EYA2: variants seen among roughly 807,000 people sequenced by gnomAD.
EYA2 encodes the protein EYA transcriptional coactivator and phosphatase 2.
EYA2 carries 31 observed loss-of-function variants against 69.2 expected under a neutral mutation model. The observed-to-expected ratio is 0.45, with a 90% CI of 0.34 to 0.60. The LOEUF (loss-of-function observed/expected upper bound fraction) is 0.60. Among genes scored for constraint, EYA2 ranks in the 20% least tolerant of loss-of-function variants. EYA2 has a pLI of 0.02. For synonymous variants in EYA2, 257 were observed against 279.4 expected (o/e 0.92, Z 0.80); for missense variants, 622 against 701.2 (o/e 0.89, Z 1.28).
intron 10 of EYA2, among the ~76,000 whole-genome samples, chr20:47,160,314 G>A (rs1600755580): frequency 6.6e-6 from 1 of 152,222 alleles, no homozygotes; most frequent in African/African-American, 2.4e-5. Context: ...CAGCTACTCA[G>A]TTCTCCTGCA....
intron 7 of EYA2, among the ~76,000 whole-genome samples, chr20:47,081,770 C>A (rs368180210): frequency 2.7e-5 from 3 of 112,954 alleles, no homozygotes; most frequent in Non-Finnish European, 5.6e-5. Context: ...CAAAGCGAGA[C>A]CTTGTCTCAA....
intron 1 of EYA2, among the ~76,000 whole-genome samples, chr20:46,975,618 A>G (rs2146305317): frequency 6.6e-6 from 1 of 152,372 alleles, no homozygotes; most frequent in Admixed American, 6.5e-5. Context: ...CATGCGATCA[A>G]GAATGAGGGA....
intron 9 of EYA2, among the ~76,000 whole-genome samples, chr20:47,124,106 G>C (rs2033120116): frequency 6.6e-6 from 1 of 152,186 alleles, no homozygotes; most frequent in Non-Finnish European, 1.5e-5. Flanking sequence ...TATTTGGGCA[G>C]AGCCTTCAGC....
At chr20:47,052,516 A>G (rs748662375) in intron 5 of EYA2, among the ~76,000 whole-genome samples, 6 of 152,244 alleles carry the variant, frequency 3.9e-5, no homozygotes, top group Non-Finnish European at 7.3e-5. Flanking sequence ...TTACTAAGGA[A>G]TGTTTGGGGC....
At chr20:47,169,833 CA>C (rs2034282510) in intron 11 of EYA2, among the ~76,000 whole-genome samples, 2 of 152,176 alleles carry the variant, frequency 1.3e-5, no homozygotes, top group South Asian at 4.1e-4. Context: ...TCTCCTCCTC[CA>C]GCAGTCTTCG....
intron 9 of EYA2, among the ~76,000 whole-genome samples, chr20:47,108,239 C>G (rs945600070): frequency 6.6e-6 from 1 of 152,210 alleles, no homozygotes; most frequent in Non-Finnish European, 1.5e-5. Context: ...TCATTAATGG[C>G]TTGGTGCCAT....
intron 5 of EYA2, among the ~76,000 whole-genome samples, chr20:47,045,335 C>G (rs1236894365): frequency 6.6e-6 from 1 of 152,106 alleles, no homozygotes; most frequent in Non-Finnish European, 1.5e-5. Flanking sequence ...GTACTGGGTT[C>G]TAAGGAAAAG....
At chr20:47,024,283 G>A (rs1210942149) in intron 5 of EYA2, among the ~76,000 whole-genome samples, 2 of 152,174 alleles carry the variant, frequency 1.3e-5, no homozygotes, top group Non-Finnish European at 2.9e-5. Context: ...TTTCAGCCTT[G>A]CCAGTTGGGA....
intron 1 of EYA2, among the ~76,000 whole-genome samples, chr20:46,957,903 C>A (rs899065124): frequency 6.6e-6 from 1 of 152,194 alleles, no homozygotes; most frequent in Non-Finnish European, 1.5e-5. Flanking sequence ...AGCTTCTCAA[C>A]TTGCAATTTG....
At chr20:47,115,296 C>T (rs57183948) in intron 9 of EYA2, among the ~76,000 whole-genome samples, 5,694 of 152,210 alleles carry the variant, frequency 0.037, 350 homozygotes, top group African/African-American at 0.13. Flanking sequence ...TCATCGCTGC[C>T]GTCTTCAGCC....
intron 1 of EYA2, among the ~76,000 whole-genome samples, chr20:46,950,962 G>A (rs1242922826): frequency 6.6e-6 from 1 of 152,216 alleles, no homozygotes; most frequent in African/African-American, 2.4e-5. Flanking sequence ...ATGGGAAAGG[G>A]CTTATAACAC....
At chr20:47,059,627 G>A (rs2030786770) in intron 5 of EYA2, among the ~76,000 whole-genome samples, 1 of 152,208 alleles carries the variant, frequency 6.6e-6, no homozygotes, top group Non-Finnish European at 1.5e-5. Flanking sequence ...GGGATTATAG[G>A]CATGAGCCAC....
chr20:47,118,388 C>G (rs1214855759), intron 9 of EYA2, among the ~76,000 whole-genome samples: 2 of 152,064 alleles, frequency 1.3e-5, no homozygotes, highest in Non-Finnish European at 2.9e-5. Flanking sequence ...TCACTCTGTC[C>G]CATCCTGTAA....
At chr20:46,907,387 A>G (rs1404923077) in intron 1 of EYA2, among the ~76,000 whole-genome samples, 2 of 152,198 alleles carry the variant, frequency 1.3e-5, no homozygotes, top group Non-Finnish European at 2.9e-5. Flanking sequence ...CAAGCCATTG[A>G]TGTTAGAATC....
intron 9 of EYA2, among the ~76,000 whole-genome samples, chr20:47,125,021 A>AATGT (rs2033143754): frequency 6.6e-6 from 1 of 150,680 alleles, no homozygotes; most frequent in East Asian, 1.9e-4. Context: ...GCGATGATGG[A>AATGT]ATGTATCCTA....
intron 7 of EYA2, among the ~76,000 whole-genome samples, chr20:47,080,087 G>A (rs2031657776): frequency 6.6e-6 from 1 of 152,088 alleles, no homozygotes; most frequent in African/African-American, 2.4e-5. Context: ...AATATCTTCT[G>A]GGCCATAAAA....
At chr20:47,173,913 A>G (rs2034379001) in intron 12 of EYA2, among the ~76,000 whole-genome samples, 1 of 152,222 alleles carries the variant, frequency 6.6e-6, no homozygotes, top group Non-Finnish European at 1.5e-5. Context: ...TTCTAAGTGC[A>G]GCCAAGGAGA....
chr20:46,909,067 T>G (rs918770710), intron 1 of EYA2, among the ~76,000 whole-genome samples: 21 of 152,068 alleles, frequency 1.4e-4, no homozygotes, highest in Admixed American at 4.6e-4. Context: ...TGATCTCCGC[T>G]CATCATGGGG....
chr20:47,088,315 G>A (rs1360702310), intron 7 of EYA2, among the ~76,000 whole-genome samples: 5 of 152,258 alleles, frequency 3.3e-5, no homozygotes, highest in African/African-American at 7.2e-5. Flanking sequence ...TTCCCATGCA[G>A]CCCCCGTTTA....
Sources: allele counts gnomAD v4.1 joint callset (sites outside exome capture counted in the v4.1 genomes callset), GRCh38; gene constraint gnomAD v4.1.1; transcripts MANE v1.5; gene names NCBI Gene and HGNC (gene_info 2026-07-23, HGNC 2026-07-21).